LMOD2: variants seen among roughly 807,000 people sequenced by gnomAD.
LMOD2 encodes leiomodin-2.
Under a neutral mutation model 41.7 loss-of-function variants are expected in LMOD2, and 27 were observed. The observed-to-expected ratio is 0.65, with a 90% CI of 0.48 to 0.89. The LOEUF is 0.89. Ranked by LOEUF, LMOD2 falls within the 40% of genes least tolerant of loss-of-function variation. LMOD2 has a pLI of 0.00. For synonymous variants in LMOD2, 251 were observed against 244.6 expected, an observed-to-expected ratio of 1.03 and a Z score of -0.25; for missense variants, 624 against 667.9, an observed-to-expected ratio of 0.93 and a Z score of 0.72.
At chr7:123,657,667 A>T (rs1241115727) in intron 1 of LMOD2, among the ~76,000 whole-genome samples, 2 of 151,684 alleles carry the variant, frequency 1.3e-5, no homozygotes, top group African/African-American at 4.8e-5. Flanking sequence ...ATTATTTAAA[A>T]CTCTCTTTAA....
chr7:123,659,172 T>C (rs1802836930), intron 1 of LMOD2, among the ~76,000 whole-genome samples: 1 of 152,184 alleles, frequency 6.6e-6, no homozygotes, highest in Admixed American at 6.5e-5. Context: ...CATTACCTGA[T>C]TTGTTTTCTA....
At chr7:123,656,905 T>A (rs984643253) in intron 1 of LMOD2, among the ~76,000 whole-genome samples, 1 of 152,354 alleles carries the variant, frequency 6.6e-6, no homozygotes, top group Non-Finnish European at 1.5e-5. Flanking sequence ...GAGATTTTGA[T>A]AAGTTATGAA....
chr7:123,656,360 C>T, intron 1 of LMOD2, 124 bp downstream of exon 1: 1 of 989,426 alleles, frequency 1.0e-6, no homozygotes, highest in South Asian at 1.8e-5. Flanking sequence ...CCCATTTATA[C>T]TTGCTACTAA....
intron 1 of LMOD2, among the ~76,000 whole-genome samples, chr7:123,658,401 G>A (rs1332235105): frequency 6.6e-6 from 1 of 152,152 alleles, no homozygotes; most frequent in Non-Finnish European, 1.5e-5. Flanking sequence ...AGGTAGTTGC[G>A]TAAGTGAAGA....
At chr7:123,656,351 C>T in intron 1 of LMOD2, 115 bp downstream of exon 1, 1 of 1,096,294 alleles carries the variant, frequency 9.1e-7, no homozygotes, top group Admixed American at 2.9e-5. Flanking sequence ...TTCCTATAAC[C>T]CATTTATACT....
At chr7:123,663,324 C>A in intron 2 of LMOD2, 121 bp downstream of exon 2, 3 of 1,215,564 alleles carry the variant, frequency 2.5e-6, no homozygotes, top group African/African-American at 1.5e-5. Context: ...TTTTAGTATG[C>A]GAGAGCAAAC....
chr7:123,656,861 G>A (rs1013701496), intron 1 of LMOD2, among the ~76,000 whole-genome samples: 1 of 152,158 alleles, frequency 6.6e-6, no homozygotes, highest in Non-Finnish European at 1.5e-5. Context: ...GGGAGTTAGA[G>A]ACAGTGTTTC....
chr7:123,663,921 T>G lies in LMOD2; in HGVS notation c.*176T>G. ...ACAATCAGCATGTTTCTTCTGTAAA[T>G]ATGAAAATAAATTTCTTTTTTATGT... On this transcript the variant is annotated 3_prime_UTR_variant, in exon 3 of 3. Coordinates refer to ENST00000458573, the MANE Select transcript of LMOD2 (RefSeq NM_207163.3). 1 of 588,630 alleles carries G rather than the reference T, an allele frequency of 1.7e-6. No homozygotes were observed. The highest frequency in any genetic ancestry group is 2.9e-6 in the Non-Finnish European group (1 of 343,798). 36.5% of individuals were successfully genotyped at this position (588,630 alleles called of 1,614,324 possible).
chr7:123,659,160 C>CTCAAACAAA (rs1464123202), intron 1 of LMOD2, among the ~76,000 whole-genome samples: 6 of 152,222 alleles, frequency 3.9e-5, no homozygotes, highest in Non-Finnish European at 7.3e-5. Context: ...GGCCACTCTT[C>CTCAAACAAA]TCATTACCTG....
In LMOD2 at chr7:123,664,022, G is replaced by A. The variant is rs542497363; in HGVS notation, c.*277G>A. 1.3e-4 allele frequency: 50 copies of A among 388,724 alleles called. 1 individual carries two copies. The South Asian group carries it at 3.0e-3, about 23-fold the overall frequency. The allele number at this position is 388,724 out of a possible 1,614,324, so 24.1% of individuals were successfully genotyped here. On this transcript the variant is annotated 3_prime_UTR_variant, in exon 3 of 3. Transcript: ENST00000458573. ...TCTGTGGATGTGTTGGTAACTCCGA[G>A]TTGTAATGAGTTCATGAAATGTGCT...
rs754535632 is a variant in LMOD2, at chr7:123,656,094, G to A, written c.131G>A (p.Arg44His). Residue 44 changes from arginine to histidine, a missense_variant, in exon 1 of 3, where the codon CGC becomes CAC. Coordinates refer to ENST00000458573, the MANE Select transcript of LMOD2 (RefSeq NM_207163.3). The stretch of plus-strand genomic sequence containing the variant: ...GAGTTGGAAGACATTGAACCTGACC[G>A]CAACCTTCCCGTGGGGCTAAGGCAA... ...ERELEDIEPD[R>H]NLPVGLRQKS... The A allele has an allele frequency of 2.0e-5, 32 of 1,611,254 alleles. No homozygotes were observed. Among genetic ancestry groups the A allele is most frequent in the Admixed American group, 5.0e-5 (3 of 59,648 alleles).
At chr7:123,657,255 C>T (rs558968821) in intron 1 of LMOD2, among the ~76,000 whole-genome samples, 9 of 152,210 alleles carry the variant, frequency 5.9e-5, no homozygotes, top group African/African-American at 2.2e-4. Context: ...AAAAATTCTT[C>T]CGGAATTATG....
At chr7:123,660,755 G>T (rs1802865259) in intron 1 of LMOD2, among the ~76,000 whole-genome samples, 1 of 151,042 alleles carries the variant, frequency 6.6e-6, no homozygotes, top group Non-Finnish European at 1.5e-5. Context: ...AATCAGAAAA[G>T]ATAGCAAGAA....
intron 1 of LMOD2, among the ~76,000 whole-genome samples, chr7:123,660,984 G>C (rs1230959033): frequency 6.6e-6 from 1 of 152,194 alleles, no homozygotes; most frequent in East Asian, 1.9e-4. Context: ...TGGATGCCAA[G>C]GGTGATTATC....
At chr7:123,657,101 A>C (rs1200030217) in intron 1 of LMOD2, among the ~76,000 whole-genome samples, 4 of 152,148 alleles carry the variant, frequency 2.6e-5, no homozygotes, top group African/African-American at 9.7e-5. Flanking sequence ...CTTATATCAG[A>C]GCTCAGGCCT....
chr7:123,663,479 C>T, intron 2 of LMOD2: 1 of 601,778 alleles, frequency 1.7e-6, no homozygotes, highest in East Asian at 2.8e-5. Flanking sequence ...AAGAAGAAAA[C>T]CAGGGAATAT....
At chr7:123,658,958 T>C (rs1029844916) in intron 1 of LMOD2, among the ~76,000 whole-genome samples, 1 of 152,120 alleles carries the variant, frequency 6.6e-6, no homozygotes, top group Non-Finnish European at 1.5e-5. Context: ...CTGAATAACA[T>C]GGGGGTCAGG....
intron 1 of LMOD2, among the ~76,000 whole-genome samples, chr7:123,657,088 G>A (rs117365098): frequency 0.017 from 2,597 of 152,272 alleles, 32 homozygotes; most frequent in Middle Eastern, 0.041. Context: ...GTTAGGAAAT[G>A]TGCTTATATC....
intron 1 of LMOD2, among the ~76,000 whole-genome samples, chr7:123,660,327 A>G (rs1447613126): frequency 6.6e-6 from 1 of 150,852 alleles, no homozygotes. Flanking sequence ...TCTCTCTCAC[A>G]CACACACACA....
Sources: gnomAD v4.1 joint callset for allele counts (sites outside exome capture counted in the v4.1 genomes callset) on GRCh38, gnomAD v4.1.1 for gene constraint, MANE v1.5 for transcripts, NCBI Gene and HGNC (gene_info 2026-07-23, HGNC 2026-07-21) for gene names.